ABCD3: variants seen among roughly 807,000 people sequenced by gnomAD.
The protein encoded by ABCD3 is ATP binding cassette subfamily D member 3, also known as ATP-binding cassette sub-family D member 3.
ABCD3 carries 41 observed loss-of-function variants against 105.5 expected under a neutral mutation model. The observed-to-expected ratio is 0.39, with a 90% CI of 0.30 to 0.50. The LOEUF is 0.50. Ranked by LOEUF, ABCD3 falls within the 20% of genes least tolerant of loss-of-function variation. ABCD3 has a pLI of 0.84. For missense variants in ABCD3, 622 were observed against 806.3 expected (o/e 0.77, Z 2.77); for synonymous variants, 258 against 269.0 (o/e 0.96, Z 0.40).
At position 94,418,442 on chromosome 1, in the gene ABCD3, C is replaced by CGCCGCCGCCGCCGCT; in HGVS notation, c.-35_-34insCGCCGCCGCCGCTGC. 6.5e-7 allele frequency: 1 copy of CGCCGCCGCCGCCGCT among 1,547,758 alleles called. No individual in the cohort carries two copies. The highest frequency in any genetic ancestry group is 8.7e-7 in the Non-Finnish European group (1 of 1,145,180). On this transcript the variant is annotated 5_prime_UTR_variant, in exon 1 of 23. Transcript: ENST00000370214. Reference sequence around the variant, plus strand: ...AGGTAGCCGCCGCCGCCGCCGCCGCCGCGTCCCCTCGCCGGCTCGCTGGTA... The same window carrying CGCCGCCGCCGCCGCT: ...AGGTAGCCGCCGCCGCCGCCGCCGCCGCCGCCGCCGCCGCTGCGTCCCCTCGCCGGCTCGCTGGTA...
intron 1 of ABCD3, chr1:94,432,465 T>C (rs1557660342): frequency 6.6e-6 from 1 of 152,236 alleles, no homozygotes; most frequent in Non-Finnish European, 1.5e-5. Context: ...GCTGGAGATA[T>C]TACTATAAAT....
the ABCD3 span, among the ~76,000 whole-genome samples, chr1:94,405,077 ATAT>A: frequency 1.8e-4 from 28 of 152,284 alleles, no homozygotes; most frequent in African/African-American, 6.7e-4. Flanking sequence ...TTTGTGTTCA[ATAT>A]TATGCTATTT....
chr1:94,396,389 T>A, the ABCD3 span, among the ~76,000 whole-genome samples: 1 of 152,232 alleles, frequency 6.6e-6, no homozygotes. Flanking sequence ...CTTACTGAAC[T>A]TTAACATTCA....
intron 1 of ABCD3, among the ~76,000 whole-genome samples, chr1:94,437,951 T>C (rs1007263259): frequency 2.0e-5 from 3 of 152,014 alleles, no homozygotes; most frequent in African/African-American, 7.2e-5. Context: ...GAACTAGAAG[T>C]GGAATCTGAA....
chr1:94,388,794 G>A, the ABCD3 span, among the ~76,000 whole-genome samples: 2 of 152,150 alleles, frequency 1.3e-5, no homozygotes, highest in Non-Finnish European at 2.9e-5. Flanking sequence ...TTCTAAGGAG[G>A]AGGAGTGAGA....
chr1:94,421,217 C>A (rs1235284500), intron 1 of ABCD3, among the ~76,000 whole-genome samples: 1 of 151,966 alleles, frequency 6.6e-6, no homozygotes, highest in African/African-American at 2.4e-5. Flanking sequence ...GCCTGTCACC[C>A]CTTATTTTTA....
At chr1:94,503,948 T>C (rs1422476507) in intron 20 of ABCD3, among the ~76,000 whole-genome samples, 2 of 143,312 alleles carry the variant, frequency 1.4e-5, no homozygotes, top group East Asian at 4.3e-4. Context: ...AGTCTCACTC[T>C]GTTGCCGAAG....
intron 16 of ABCD3, among the ~76,000 whole-genome samples, chr1:94,493,158 C>T (rs1286412618): frequency 6.6e-6 from 1 of 151,634 alleles, no homozygotes; most frequent in Admixed American, 6.6e-5. Flanking sequence ...AGTGAACAGG[C>T]AGCCTACAAA....
chr1:94,418,443 G>T lies in ABCD3; in HGVS notation c.-36G>T, dbSNP rs72559438. ...GGTAGCCGCCGCCGCCGCCGCCGCC[G>T]CGTCCCCTCGCCGGCTCGCTGGTAC... On this transcript the variant is annotated 5_prime_UTR_variant, in exon 1 of 23. Transcript: ENST00000370214. 2,620 of 1,549,732 alleles carry T rather than the reference G, an allele frequency of 1.7e-3. 35 individuals are homozygous for T. In the African/African-American group the frequency reaches 0.032, roughly 19 times the overall value.
intron 2 of ABCD3, among the ~76,000 whole-genome samples, chr1:94,459,360 C>A (rs899662588): frequency 6.6e-6 from 1 of 152,084 alleles, no homozygotes; most frequent in Non-Finnish European, 1.5e-5. Context: ...TTCCTTTGGA[C>A]CTATACTAGT....
intron 20 of ABCD3, among the ~76,000 whole-genome samples, chr1:94,503,213 A>C (rs1359547242): frequency 2.0e-5 from 3 of 152,182 alleles, no homozygotes; most frequent in African/African-American, 7.2e-5. Context: ...AGCTGACAGC[A>C]TAGTGGGAGC....
At chr1:94,478,559 C>G in intron 8 of ABCD3, 1 of 1,596,864 alleles carries the variant, frequency 6.3e-7, no homozygotes, top group Non-Finnish European at 8.6e-7. Flanking sequence ...AAAAACCAGA[C>G]AAATGTATTG....
upstream of ABCD3, among the ~76,000 whole-genome samples, chr1:94,416,736 C>T (rs1355803952): frequency 1.3e-5 from 2 of 152,124 alleles, no homozygotes; most frequent in Non-Finnish European, 2.9e-5. Context: ...GCTAGTTTTC[C>T]CTCCCCCTTT....
At chr1:94,429,273 A>T (rs1319005132) in intron 1 of ABCD3, among the ~76,000 whole-genome samples, 2 of 152,220 alleles carry the variant, frequency 1.3e-5, no homozygotes, top group Non-Finnish European at 2.9e-5. Flanking sequence ...GAAGCAGAGC[A>T]TATAAGTTCA....
chr1:94,444,348 A>AAAT (rs1660258138), intron 1 of ABCD3, among the ~76,000 whole-genome samples: 1 of 151,378 alleles, frequency 6.6e-6, no homozygotes, highest in South Asian at 2.1e-4. Flanking sequence ...AAAAAAAAAA[A>AAAT]AAAATGGAGT....
intron 3 of ABCD3, 86 bp downstream of exon 3, chr1:94,464,959 G>A: frequency 8.9e-7 from 1 of 1,123,920 alleles, no homozygotes; most frequent in Non-Finnish European, 1.3e-6. Context: ...AAAGAAAAGA[G>A]ATTTAATTGG....
intron 5 of ABCD3, 138 bp downstream of exon 5, chr1:94,473,973 A>C: frequency 1.5e-6 from 1 of 668,824 alleles, no homozygotes; most frequent in Non-Finnish European, 2.5e-6. Context: ...GTAATTTATA[A>C]TATAATTTTC....
chr1:94,387,031 C>T, the ABCD3 span, among the ~76,000 whole-genome samples: 1 of 152,170 alleles, frequency 6.6e-6, no homozygotes, highest in Non-Finnish European at 1.5e-5. Context: ...ATTTTCTTTT[C>T]AGTAGATGTG....
intron 3 of ABCD3, among the ~76,000 whole-genome samples, chr1:94,466,558 T>TG (rs1235725907): frequency 3.9e-5 from 6 of 152,212 alleles, no homozygotes; most frequent in African/African-American, 1.4e-4. Context: ...TTTCATTTGT[T>TG]TACAACATCA....
Sources: gnomAD v4.1 joint callset for allele counts (sites outside exome capture counted in the v4.1 genomes callset) on GRCh38, gnomAD v4.1.1 for gene constraint, MANE v1.5 for transcripts, NCBI Gene and HGNC (gene_info 2026-07-23, HGNC 2026-07-21) for gene names.